Variants in ZCCHC2 observed in about 807,000 individuals in gnomAD.
The protein encoded by ZCCHC2 is zinc finger CCHC domain-containing protein 2.
Under a neutral mutation model 103.6 loss-of-function variants are expected in ZCCHC2, and 39 were observed. The ratio of observed to expected loss-of-function variants is 0.38; its 90% CI spans 0.29 to 0.49. ZCCHC2 has a LOEUF of 0.49. Ranked by LOEUF, ZCCHC2 falls within the 20% of genes least tolerant of loss-of-function variation. The pLI is 0.96. For synonymous variants in ZCCHC2, 687 were observed against 608.9 expected (o/e 1.13, Z -1.89); for missense variants, 1,483 against 1,491.0 (o/e 0.99, Z 0.09).
intron 12 of ZCCHC2, among the ~76,000 whole-genome samples, chr18:62,573,403 T>C (rs1916667838): frequency 6.6e-6 from 1 of 152,200 alleles, no homozygotes; most frequent in African/African-American, 2.4e-5. Context: ...GTGTTGTTTG[T>C]ATTTGCTGTT....
At chr18:62,529,811 T>G (rs755424284) in intron 1 of ZCCHC2, among the ~76,000 whole-genome samples, 29 of 152,202 alleles carry the variant, frequency 1.9e-4, no homozygotes, top group Non-Finnish European at 1.3e-4. Flanking sequence ...CTGTGTGATT[T>G]ATTTATACAT....
At chr18:62,526,161 CAGAGT>C (rs1332841892) in intron 1 of ZCCHC2, 1 of 151,984 alleles carries the variant, frequency 6.6e-6, no homozygotes, top group Non-Finnish European at 1.5e-5. Flanking sequence ...GCATGCAGAC[CAGAGT>C]AATGAGATTT....
downstream of ZCCHC2, among the ~76,000 whole-genome samples, chr18:62,582,118 G>A (rs1917052523): frequency 6.6e-6 from 1 of 151,898 alleles, no homozygotes; most frequent in Non-Finnish European, 1.5e-5. Context: ...GGAGAATTTG[G>A]AGTTGGTTGA....
At chr18:62,569,668 G>A (rs1916515543) in intron 11 of ZCCHC2, among the ~76,000 whole-genome samples, 1 of 152,016 alleles carries the variant, frequency 6.6e-6, no homozygotes, top group African/African-American at 2.4e-5. Flanking sequence ...GGACTATTCA[G>A]TCTACTAGAT....
chr18:62,566,534 G>A (rs1256785584), intron 11 of ZCCHC2, among the ~76,000 whole-genome samples: 2 of 152,180 alleles, frequency 1.3e-5, no homozygotes, highest in Non-Finnish European at 1.5e-5. Context: ...TACTGCTGCC[G>A]TGTTTGTTTT....
Position 62,523,478 on chromosome 18 carries a change from C to A in ZCCHC2, c.54C>A (p.Pro18=). The change falls in exon 1 of 14, where the codon CCC becomes CCA. Residue 18 remains proline, a synonymous_variant. Transcript: ENST00000269499. The stretch of plus-strand genomic sequence containing the variant: ...CAACGCACCCCGCGGAGCCGCCGCC[C>A]GAGGCGGAGGAGCCCGAGGCGGACG... The part of the protein sequence containing the change: ...LKPTHPAEPP[P]EAEEPEADAR... 1 of 1,078,898 alleles carries A rather than the reference C, an allele frequency of 9.3e-7. No individual in the cohort carries two copies. Among genetic ancestry groups the A allele is most frequent in the Non-Finnish European group, 1.1e-6 (1 of 878,986 alleles). 66.8% of individuals were successfully genotyped at this position (1,078,898 alleles called of 1,614,324 possible). A position where few individuals can be genotyped will look rare whatever the true frequency, so the allele number is the denominator to read the frequency against.
intron 11 of ZCCHC2, among the ~76,000 whole-genome samples, chr18:62,567,997 T>C (rs1916446333): frequency 6.7e-6 from 1 of 150,086 alleles, no homozygotes; most frequent in African/African-American, 2.4e-5. Context: ...CAGTGTTTCT[T>C]CCACCCCACT....
At chr18:62,524,585 G>C in intron 1 of ZCCHC2, 1 of 611,614 alleles carries the variant, frequency 1.6e-6, no homozygotes, top group Non-Finnish European at 2.6e-6. Flanking sequence ...ACAGCCACCC[G>C]CCATCACAGA....
At position 62,577,824 on chromosome 18, in the gene ZCCHC2, A is replaced by C. The variant is rs1916913385; in HGVS notation, c.*1245A>C. 6.6e-6 allele frequency: 1 copy of C among 152,570 alleles called. No individual in the cohort carries two copies. Among genetic ancestry groups the C allele is most frequent in the Non-Finnish European group, 1.5e-5 (1 of 68,028 alleles). The allele number at this position is 152,570 out of a possible 1,614,324, so 9.5% of individuals were successfully genotyped here. The stretch of plus-strand genomic sequence containing the variant: ...GCTTCCAGGTAATTTTTGATTTCCT[A>C]AAGTGCACTGAGGTTATCTGGAAGA... On this transcript the variant is annotated 3_prime_UTR_variant, in exon 14 of 14. Transcript: ENST00000269499.
intron 5 of ZCCHC2, among the ~76,000 whole-genome samples, chr18:62,555,575 G>A (rs1445543135): frequency 6.6e-6 from 1 of 152,266 alleles, no homozygotes; most frequent in Non-Finnish European, 1.5e-5. Context: ...TTGAGAGGCC[G>A]AGGTGGGCAG....
intron 2 of ZCCHC2, among the ~76,000 whole-genome samples, chr18:62,541,537 C>T (rs955685089): frequency 8.6e-6 from 1 of 116,042 alleles, no homozygotes; most frequent in African/African-American, 3.8e-5. Context: ...ATCTCCTGCT[C>T]TCCTGAATCC....
chr18:62,536,639 C>G (rs941311877), intron 1 of ZCCHC2, among the ~76,000 whole-genome samples: 1 of 152,194 alleles, frequency 6.6e-6, no homozygotes, highest in African/African-American at 2.4e-5. Context: ...GCTGCCGATT[C>G]TCATCTCCAG....
intron 6 of ZCCHC2, among the ~76,000 whole-genome samples, chr18:62,557,757 C>T (rs1915957466): frequency 6.6e-6 from 1 of 152,182 alleles, no homozygotes; most frequent in Non-Finnish European, 1.5e-5. Flanking sequence ...TTCAGATGAA[C>T]AGGCTGCTCA....
At chr18:62,529,657 C>T (rs561565468) in intron 1 of ZCCHC2, among the ~76,000 whole-genome samples, 80 of 152,148 alleles carry the variant, frequency 5.3e-4, no homozygotes, top group African/African-American at 1.9e-3. Context: ...GAGTTCCTTC[C>T]CCAGTTACAT....
chr18:62,563,586 G>T (rs1397782977), intron 9 of ZCCHC2, among the ~76,000 whole-genome samples: 3 of 152,214 alleles, frequency 2.0e-5, no homozygotes, highest in Non-Finnish European at 4.4e-5. Context: ...GAGCCCAGGA[G>T]TTCAAGGCTG....
intron 7 of ZCCHC2, among the ~76,000 whole-genome samples, chr18:62,559,045 T>G (rs182511073): frequency 1.2e-4 from 19 of 152,356 alleles, no homozygotes; most frequent in Admixed American, 1.2e-3. Flanking sequence ...AGATTCCCAG[T>G]TACATCATGC....
At chr18:62,541,434 C>T (rs1013804293) in intron 2 of ZCCHC2, among the ~76,000 whole-genome samples, 1 of 152,124 alleles carries the variant, frequency 6.6e-6, no homozygotes, top group African/African-American at 2.4e-5. Context: ...AGTCTTACTC[C>T]TCCTCTATGC....
At chr18:62,530,518 T>G (rs1233687587) in intron 1 of ZCCHC2, among the ~76,000 whole-genome samples, 1 of 151,412 alleles carries the variant, frequency 6.6e-6, no homozygotes, top group Non-Finnish European at 1.5e-5. Flanking sequence ...TATGGTTTGT[T>G]TTTTTTTTAA....
chr18:62,547,371 G>A (rs1598942945), intron 4 of ZCCHC2, among the ~76,000 whole-genome samples: 2 of 150,252 alleles, frequency 1.3e-5, no homozygotes, highest in African/African-American at 4.9e-5. Flanking sequence ...TCCTTTGGAC[G>A]ATGTGTCCAA....
Sources: allele counts gnomAD v4.1 joint callset (sites outside exome capture counted in the v4.1 genomes callset), GRCh38; gene constraint gnomAD v4.1.1; transcripts MANE v1.5; gene names NCBI Gene and HGNC (gene_info 2026-07-23, HGNC 2026-07-21).